TRPC5: variants seen among roughly 807,000 people sequenced by gnomAD.
TRPC5 encodes the protein short transient receptor potential channel 5.
In TRPC5, 9 loss-of-function variants were observed where a neutral mutation model predicts 56.5. That is an observed-to-expected ratio of 0.16 (90% CI 0.10 to 0.28). The LOEUF (loss-of-function observed/expected upper bound fraction) is 0.28, where lower values mean the gene tolerates loss of function less well. TRPC5 is among the 10% of genes least tolerant of loss of function. The pLI is 1.00. For synonymous variants in TRPC5, 282 were observed against 278.5 expected (o/e 1.01, Z -0.13); for missense variants, 469 against 748.9 (o/e 0.63, Z 4.36).
At chrX:111,999,978 A>G (rs1928655731) in intron 1 of TRPC5, among the ~76,000 whole-genome samples, 1 of 111,862 alleles carries the variant, frequency 8.9e-6, no homozygotes, top group Admixed American at 9.5e-5. Context: ...AATAATAGTA[A>G]TAATAATAAA....
chrX:111,865,751 A>G (rs1923535252), intron 3 of TRPC5, among the ~76,000 whole-genome samples: 1 of 112,200 alleles, frequency 8.9e-6, no homozygotes, highest in African/African-American at 3.2e-5. Context: ...TATTTGATGA[A>G]TGAGTGATTG....
intron 3 of TRPC5, among the ~76,000 whole-genome samples, chrX:111,865,483 C>T (rs765724709): frequency 1.3e-4 from 14 of 109,909 alleles, no homozygotes; most frequent in Non-Finnish European, 2.1e-4. Context: ...CACACCACCA[C>T]GCCTGGCTAA....
intron 3 of TRPC5, among the ~76,000 whole-genome samples, chrX:111,859,068 T>C (rs921450777): frequency 9.0e-6 from 1 of 111,706 alleles, no homozygotes; most frequent in Non-Finnish European, 1.9e-5. Flanking sequence ...ACACCGTTTG[T>C]AGATGTTTTT....
chrX:111,788,408 G>A (rs1004006103), intron 7 of TRPC5, among the ~76,000 whole-genome samples: 4 of 111,585 alleles, frequency 3.6e-5, no homozygotes, highest in East Asian at 5.6e-4. Context: ...TTGATGGAAT[G>A]TATCTCAAAA....
chrX:111,795,528 G>T (rs1480336180), intron 7 of TRPC5, among the ~76,000 whole-genome samples: 2 of 110,060 alleles, frequency 1.8e-5, no homozygotes, highest in African/African-American at 3.3e-5. Context: ...TAAATATTTT[G>T]TATATGTCAT....
chrX:112,076,815 T>C (rs1832744484), intron 1 of TRPC5, among the ~76,000 whole-genome samples: 1 of 111,873 alleles, frequency 8.9e-6, no homozygotes, highest in African/African-American at 3.2e-5. Context: ...CTGTAATTCC[T>C]TCTGAAAAAA....
intron 3 of TRPC5, among the ~76,000 whole-genome samples, chrX:111,871,693 T>C (rs926453602): frequency 8.9e-6 from 1 of 112,019 alleles, no homozygotes. Flanking sequence ...CATTATGACT[T>C]ACGAGATGTA....
chrX:111,973,761 C>A (rs920807492), intron 1 of TRPC5, among the ~76,000 whole-genome samples: 4 of 112,016 alleles, frequency 3.6e-5, no homozygotes, highest in Admixed American at 9.5e-5. Flanking sequence ...ACATTAGAAA[C>A]AAAGTAATAA....
At position 111,997,322 on chromosome X, in the gene TRPC5, T is replaced by G. The variant is rs187245097; in HGVS notation, c.-21-44881A>C. Among the ~76,000 whole-genome samples the G allele has an allele frequency of 6.7e-3, 748 of 111,935 alleles. 4 individuals carry two copies. The highest frequency in any genetic ancestry group is 0.023 in the African/African-American group (697 of 30,807). ...TCTTTTCTTTAAGAATGTTGAATAT[T>G]GGGCCCCACTCTCTTCTGGCTTGTA... On this transcript the variant is annotated intron_variant, in intron 1 of 10. Coordinates refer to ENST00000262839, the MANE Select transcript of TRPC5 (RefSeq NM_012471.3).
At chrX:111,841,386 T>C (rs993051251) in intron 6 of TRPC5, among the ~76,000 whole-genome samples, 2 of 112,035 alleles carry the variant, frequency 1.8e-5, no homozygotes, top group Admixed American at 9.5e-5. Flanking sequence ...TATGCCTAGA[T>C]TGAAATCCTG....
chrX:111,820,475 G>A (rs1921997388), intron 7 of TRPC5, among the ~76,000 whole-genome samples: 1 of 112,075 alleles, frequency 8.9e-6, no homozygotes, highest in East Asian at 2.8e-4. Context: ...ATTATTAAGT[G>A]ATTGAAAAAA....
At chrX:111,785,079 C>T (rs891927278) in intron 7 of TRPC5, among the ~76,000 whole-genome samples, 1 of 112,446 alleles carries the variant, frequency 8.9e-6, no homozygotes, top group African/African-American at 3.2e-5. Flanking sequence ...CCCAGCATGG[C>T]GTTTGAGCTC....
intron 2 of TRPC5, among the ~76,000 whole-genome samples, chrX:111,914,956 T>G (rs765965480): frequency 4.5e-5 from 5 of 111,174 alleles, no homozygotes; most frequent in Non-Finnish European, 9.4e-5. Context: ...TCTAAAAGTG[T>G]TGAGCAGAAG....
chrX:111,970,006 A>G (rs1203919723), intron 1 of TRPC5, among the ~76,000 whole-genome samples: 1 of 111,005 alleles, frequency 9.0e-6, no homozygotes, highest in Non-Finnish European at 1.9e-5. Context: ...AGAAGACGAG[A>G]ATTTTAGAGT....
At chrX:111,961,084 A>G (rs754874890) in intron 1 of TRPC5, among the ~76,000 whole-genome samples, 96 of 112,194 alleles carry the variant, frequency 8.6e-4, no homozygotes, top group African/African-American at 2.8e-3. Context: ...TGCTGGGATT[A>G]CAGGCGTCAG....
intron 7 of TRPC5, among the ~76,000 whole-genome samples, chrX:111,794,395 T>G (rs1946044876): frequency 9.0e-6 from 1 of 111,565 alleles, no homozygotes; most frequent in African/African-American, 3.3e-5. Flanking sequence ...CCTTCCACTT[T>G]AATTTTCTTT....
chrX:111,788,137 T>C (rs1467227387), intron 7 of TRPC5, among the ~76,000 whole-genome samples: 1 of 111,969 alleles, frequency 8.9e-6, no homozygotes, highest in African/African-American at 3.2e-5. Flanking sequence ...CCAATATCCC[T>C]GATGAACATC....
At chrX:111,916,561 T>C (rs932149807) in intron 2 of TRPC5, among the ~76,000 whole-genome samples, 11 of 111,873 alleles carry the variant, frequency 9.8e-5, no homozygotes. Context: ...ATAATCTATC[T>C]AAAATGCAGG....
intron 1 of TRPC5, among the ~76,000 whole-genome samples, chrX:111,966,821 G>GA (rs1436220296): frequency 8.9e-6 from 1 of 112,028 alleles, no homozygotes; most frequent in Non-Finnish European, 1.9e-5. Flanking sequence ...GTATTGATGG[G>GA]ACGTATCTCA....
Sources: allele counts gnomAD v4.1 joint callset (sites outside exome capture counted in the v4.1 genomes callset), GRCh38; gene constraint gnomAD v4.1.1; transcripts MANE v1.5; gene names NCBI Gene and HGNC (gene_info 2026-07-23, HGNC 2026-07-21).